PDZD9: variants seen among roughly 807,000 people sequenced by gnomAD.
PDZD9 encodes PDZ domain-containing protein 9.
Under a neutral mutation model 16.3 loss-of-function variants are expected in PDZD9, and 13 were observed. That is an observed-to-expected ratio of 0.80 (90% CI 0.52 to 1.27). PDZD9 has a LOEUF of 1.27. PDZD9 is among the 50% of genes most tolerant of loss of function. The pLI, the probability that PDZD9 is intolerant of heterozygous loss-of-function variation, is 0.00. For missense variants in PDZD9, 288 were observed against 310.9 expected (o/e 0.93, Z 0.55); for synonymous variants, 120 against 111.0 (o/e 1.08, Z -0.51).
At chr16:21,996,266 C>A in intron 2 of PDZD9, 56 bp downstream of exon 2, 1 of 1,477,058 alleles carries the variant, frequency 6.8e-7, no homozygotes, top group Non-Finnish European at 9.1e-7. Context: ...CCCGAGTCAC[C>A]CTGCAGGCAG....
At chr16:21,995,948 C>T (rs749200128) in intron 2 of PDZD9, among the ~76,000 whole-genome samples, 3 of 152,170 alleles carry the variant, frequency 2.0e-5, no homozygotes, top group Non-Finnish European at 2.9e-5. Context: ...TGTGCCACCA[C>T]GCCTGGCTAA....
downstream of PDZD9, chr16:21,980,850 A>G (rs1898707749): frequency 1.1e-6 from 1 of 869,850 alleles, no homozygotes; most frequent in East Asian, 2.8e-5. Context: ...GCTCATTCCC[A>G]TAAGATCCGC....
At chr16:21,990,812 C>T (rs1359277072) in intron 2 of PDZD9, among the ~76,000 whole-genome samples, 2 of 152,190 alleles carry the variant, frequency 1.3e-5, no homozygotes, top group Non-Finnish European at 2.9e-5. Context: ...GCTTAATTTC[C>T]TGACCGTTCT....
the PDZD9 span, among the ~76,000 whole-genome samples, chr16:21,973,732 C>T: frequency 6.6e-6 from 1 of 152,224 alleles, no homozygotes; most frequent in African/African-American, 2.4e-5. Flanking sequence ...AAAGAGGTAA[C>T]CTATTTACAG....
the PDZD9 span, chr16:21,976,089 C>T: frequency 2.1e-6 from 2 of 954,688 alleles, no homozygotes; most frequent in Middle Eastern, 2.1e-4. Flanking sequence ...GTGTTTTTGC[C>T]TCAGTAAAGA....
chr16:21,980,441 C>G (rs758366566), downstream of PDZD9: 63 of 1,199,468 alleles, frequency 5.3e-5, no homozygotes, highest in Non-Finnish European at 7.2e-5. Context: ...CGCTGTTACT[C>G]TATCCATTAA....
chr16:21,972,164 G>C, the PDZD9 span: 15 of 1,571,964 alleles, frequency 9.5e-6, no homozygotes, highest in South Asian at 9.2e-5. Context: ...GCTTTCAAAG[G>C]CTCAGTATTT....
At chr16:21,967,307 G>A in the PDZD9 span, among the ~76,000 whole-genome samples, 2 of 152,146 alleles carry the variant, frequency 1.3e-5, no homozygotes, top group African/African-American at 2.4e-5. Flanking sequence ...TTAGCCCAGT[G>A]ATTCTCAAAA....
the PDZD9 span, among the ~76,000 whole-genome samples, chr16:21,977,329 G>C: frequency 6.6e-6 from 1 of 151,786 alleles, no homozygotes; most frequent in South Asian, 2.1e-4. Context: ...ACACTAGCCT[G>C]GGCAACAGAG....
chr16:21,976,417 C>G, the PDZD9 span: 1 of 564,936 alleles, frequency 1.8e-6, no homozygotes. Flanking sequence ...AACATTTTGG[C>G]CAGGCACAGT....
chr16:21,987,080 TAAGA>T (rs1450943837), intron 3 of PDZD9, among the ~76,000 whole-genome samples: 5 of 152,118 alleles, frequency 3.3e-5, no homozygotes, highest in African/African-American at 9.7e-5. Context: ...CAAAAAGTCT[TAAGA>T]GATTTTTTGC....
chr16:21,986,255 C>G (rs773264418), intron 3 of PDZD9, among the ~76,000 whole-genome samples: 16 of 152,144 alleles, frequency 1.1e-4, no homozygotes, highest in Non-Finnish European at 2.1e-4. Context: ...ACTAAAATGC[C>G]TCAGATATGG....
At chr16:22,000,358 C>CAA (rs113217873) in intron 1 of PDZD9, among the ~76,000 whole-genome samples, 147 of 115,192 alleles carry the variant, frequency 1.3e-3, no homozygotes, top group East Asian at 6.6e-3. Context: ...ATGGAAAAGG[C>CAA]AAAAAAAAAA....
chr16:21,988,928 C>CTT lies in PDZD9; in HGVS notation c.212-139_212-138dup, dbSNP rs60488437. On this transcript the variant is annotated intron_variant, in intron 2 of 3. Coordinates refer to ENST00000424898, the MANE Select transcript of PDZD9 (RefSeq NM_001363519.1). ...TTTTGAACCAAAACCAGGCTTCAGC[C>CTT]TTTTTTTTTTTTTTTTTTTTGAGAT... The CTT allele has an allele frequency of 3.3e-3, 1,151 of 344,756 alleles. 3 individuals carry two copies. The highest frequency in any genetic ancestry group is 6.4e-3 in the African/African-American group (225 of 35,128). 21.4% of individuals were successfully genotyped at this position (344,756 alleles called of 1,614,324 possible).
At chr16:21,983,055 T>G, downstream of PDZD9, 7 of 1,598,636 alleles carry the variant, frequency 4.4e-6, no homozygotes, top group Non-Finnish European at 6.0e-6. Flanking sequence ...TTTTTATTTT[T>G]GTTAATTTTG....
chr16:21,968,528 C>A, the PDZD9 span: 3 of 1,034,936 alleles, frequency 2.9e-6, no homozygotes, highest in African/African-American at 3.3e-5. Context: ...ACTTATAAGG[C>A]CTTATAAGTA....
intron 3 of PDZD9, among the ~76,000 whole-genome samples, 158 bp from the exon 4 acceptor site, chr16:21,984,818 C>T (rs905542319): frequency 6.6e-6 from 1 of 152,090 alleles, no homozygotes; most frequent in South Asian, 2.1e-4. Flanking sequence ...TTTTTTAAAT[C>T]GTCTTGAAAT....
the PDZD9 span, among the ~76,000 whole-genome samples, chr16:21,973,172 G>A: frequency 6.6e-6 from 1 of 152,158 alleles, no homozygotes; most frequent in Non-Finnish European, 1.5e-5. Context: ...TGAGCCAATG[G>A]TTCTCCAAGT....
chr16:21,962,448 T>C, the PDZD9 span: 1 of 1,614,096 alleles, frequency 6.2e-7, no homozygotes. Context: ...TCTAGTTTAT[T>C]TTCCGATTCA....
Sources: allele counts gnomAD v4.1 joint callset (sites outside exome capture counted in the v4.1 genomes callset), GRCh38; gene constraint gnomAD v4.1.1; transcripts MANE v1.5; gene names NCBI Gene and HGNC (gene_info 2026-07-23, HGNC 2026-07-21).